DIPK1A: variants seen among roughly 807,000 people sequenced by gnomAD.
DIPK1A encodes the protein divergent protein kinase domain 1A.
DIPK1A carries 27 observed loss-of-function variants against 40.8 expected under a neutral mutation model. The ratio of observed to expected loss-of-function variants is 0.66; its 90% CI spans 0.49 to 0.91. The LOEUF (loss-of-function observed/expected upper bound fraction) is 0.91. Ranked by LOEUF, DIPK1A falls within the 40% of genes least tolerant of loss-of-function variation. The pLI is 0.00. For missense variants in DIPK1A, 412 were observed against 505.7 expected, an observed-to-expected ratio of 0.81 and a Z score of 1.78; for synonymous variants, 166 against 171.3, an observed-to-expected ratio of 0.97 and a Z score of 0.24.
chr1:92,836,798 T>G (rs1036723060), intron 4 of DIPK1A: 1 of 219,952 alleles, frequency 4.5e-6, no homozygotes, highest in Non-Finnish European at 9.2e-6. Context: ...AGGAAAAGGC[T>G]TATGAAAGAT....
intron 1 of DIPK1A, among the ~76,000 whole-genome samples, chr1:92,956,244 T>C (rs1651851556): frequency 6.6e-6 from 1 of 152,214 alleles, no homozygotes; most frequent in Non-Finnish European, 1.5e-5. Context: ...GAAACACTTT[T>C]ACTGTATGGT....
chr1:92,960,431 C>G (rs1223753456), intron 1 of DIPK1A, among the ~76,000 whole-genome samples: 1 of 152,154 alleles, frequency 6.6e-6, no homozygotes, highest in African/African-American at 2.4e-5. Context: ...CTGAATGCAG[C>G]GTTGGCTAAC....
Position 92,843,571 on chromosome 1 carries a change from A to G in DIPK1A, c.1099T>C (p.Cys367Arg). The G allele has an allele frequency of 6.4e-7, 1 of 1,552,056 alleles. No individual in the cohort carries two copies. The highest frequency in any genetic ancestry group is 8.7e-7 in the Non-Finnish European group (1 of 1,147,082). The change falls in exon 5 of 5, where the codon TGT becomes CGT. Residue 367 changes from cysteine to arginine, a missense_variant. By Grantham distance (180) the Cys-to-Arg change is radical. Coordinates refer to ENST00000370310, the MANE Select transcript of DIPK1A (RefSeq NM_001006605.5). ...EVIQPNLAKA[C>R]QLLKDYLLRG... is the part of the protein sequence containing the mutation. ...AGTAGGTAGTCTTTGAGTAACTGAC[A>G]AGCTTTTGCCAAGTTTGGTTGTATC...
chr1:92,838,815 G>C (rs573336666), downstream of DIPK1A, among the ~76,000 whole-genome samples: 1 of 152,348 alleles, frequency 6.6e-6, no homozygotes, highest in African/African-American at 2.4e-5. Flanking sequence ...CTATAATAGA[G>C]TGCTAAAAGA....
chr1:92,929,289 T>C (rs995032481), intron 1 of DIPK1A, among the ~76,000 whole-genome samples: 3 of 152,252 alleles, frequency 2.0e-5, no homozygotes, highest in Non-Finnish European at 4.4e-5. Context: ...TAGCAGGCAG[T>C]TAATTCGGTG....
intron 2 of DIPK1A, among the ~76,000 whole-genome samples, chr1:92,855,593 A>C (rs1687963037): frequency 6.6e-6 from 1 of 151,520 alleles, no homozygotes; most frequent in African/African-American, 2.4e-5. Context: ...AGTCCCAGCT[A>C]CTCAGGAGGG....
chr1:92,874,850 C>G (rs1648041092), intron 2 of DIPK1A, among the ~76,000 whole-genome samples: 1 of 152,100 alleles, frequency 6.6e-6, no homozygotes. Flanking sequence ...CTCTCTGGGT[C>G]ATAGTTCTTT....
At chr1:92,943,522 TC>T (rs1490294570) in intron 1 of DIPK1A, among the ~76,000 whole-genome samples, 1 of 150,996 alleles carries the variant, frequency 6.6e-6, no homozygotes, top group Non-Finnish European at 1.5e-5. Flanking sequence ...CCCAACCACC[TC>T]CCCCACCCCA....
chr1:92,942,914 C>T (rs1019788279), intron 1 of DIPK1A, among the ~76,000 whole-genome samples: 3 of 152,230 alleles, frequency 2.0e-5, no homozygotes, highest in Admixed American at 6.5e-5. Context: ...TCGCCCGCCT[C>T]GGCCTCCCAA....
chr1:92,867,631 G>A (rs1647616964), intron 2 of DIPK1A, among the ~76,000 whole-genome samples: 1 of 152,064 alleles, frequency 6.6e-6, no homozygotes, highest in Non-Finnish European at 1.5e-5. Context: ...TTGGCTTTCT[G>A]ACTAGCTGGG....
At chr1:92,857,104 T>C (rs1182085247) in intron 2 of DIPK1A, among the ~76,000 whole-genome samples, 1 of 152,182 alleles carries the variant, frequency 6.6e-6, no homozygotes, top group East Asian at 1.9e-4. Flanking sequence ...TATGTACCCC[T>C]GCCACATGCA....
intron 1 of DIPK1A, among the ~76,000 whole-genome samples, chr1:92,910,418 T>G (rs576645568): frequency 6.6e-6 from 1 of 152,210 alleles, no homozygotes; most frequent in African/African-American, 2.4e-5. Context: ...TACAAGCTCT[T>G]CAGGTTATTC....
In DIPK1A at chr1:92,842,625, C is replaced by G; in HGVS notation, c.*758G>C. On this transcript the variant is annotated 3_prime_UTR_variant, in exon 5 of 5. Transcript: ENST00000370310. ...AGTCTTGCACTTACAGTCCCACTTT[C>G]ACATAGTTCAAAATCAGGATATGTG... 1 of 985,300 alleles carries G rather than the reference C, an allele frequency of 1.0e-6. No homozygotes were observed. The highest frequency in any genetic ancestry group is 1.2e-6 in the Non-Finnish European group (1 of 829,862). 61.0% of individuals were successfully genotyped at this position (985,300 alleles called of 1,614,324 possible).
At chr1:92,889,066 C>T (rs915331743) in intron 1 of DIPK1A, among the ~76,000 whole-genome samples, 1 of 152,136 alleles carries the variant, frequency 6.6e-6, no homozygotes, top group Non-Finnish European at 1.5e-5. Context: ...AGGTCTTCTC[C>T]ATAAGATCTT....
At chr1:92,916,331 C>A (rs7517239) in intron 1 of DIPK1A, among the ~76,000 whole-genome samples, 1 of 129,678 alleles carries the variant, frequency 7.7e-6, no homozygotes, top group Non-Finnish European at 1.6e-5. Flanking sequence ...GACGGAGTTT[C>A]GCTGTTGTCA....
intron 1 of DIPK1A, among the ~76,000 whole-genome samples, chr1:92,919,429 C>A (rs188433311): frequency 6.6e-6 from 1 of 152,312 alleles, no homozygotes; most frequent in Admixed American, 6.5e-5. Flanking sequence ...CCTTTCACTT[C>A]TCTAGGCCTT....
chr1:92,951,002 T>C (rs1226120774), intron 1 of DIPK1A, among the ~76,000 whole-genome samples: 1 of 152,194 alleles, frequency 6.6e-6, no homozygotes, highest in Non-Finnish European at 1.5e-5. Context: ...TCTATAGATA[T>C]CCACCAACAT....
At chr1:92,927,364 G>GTTTTTTTT (rs61508867) in intron 1 of DIPK1A, among the ~76,000 whole-genome samples, 14 of 104,664 alleles carry the variant, frequency 1.3e-4, no homozygotes, top group African/African-American at 4.7e-4. Flanking sequence ...CAATTTTGTT[G>GTTTTTTTT]TTTTTTTTTT....
chr1:92,924,827 T>C (rs1214132667), intron 1 of DIPK1A, among the ~76,000 whole-genome samples: 4 of 152,238 alleles, frequency 2.6e-5, no homozygotes, highest in Non-Finnish European at 4.4e-5. Context: ...TAGCTTCCAG[T>C]GGAATGCTGA....
Sources: gnomAD v4.1 joint callset for allele counts (sites outside exome capture counted in the v4.1 genomes callset) on GRCh38, gnomAD v4.1.1 for gene constraint, MANE v1.5 for transcripts, NCBI Gene and HGNC (gene_info 2026-07-23, HGNC 2026-07-21) for gene names.